AHRR: variants seen among roughly 807,000 people sequenced by gnomAD.
The protein encoded by AHRR is aryl hydrocarbon receptor repressor.
A neutral mutation model predicts 44.0 loss-of-function variants in AHRR; 28 were observed. The ratio of observed to expected loss-of-function variants is 0.64; its 90% CI spans 0.47 to 0.87. The LOEUF is 0.87. Ranked by LOEUF, AHRR falls within the 40% of genes least tolerant of loss-of-function variation. The probability of loss-of-function intolerance (pLI) is 0.00; values close to 1 mark genes in which losing one functional copy is unlikely to be tolerated. For synonymous variants in AHRR, 434 were observed against 407.0 expected, an observed-to-expected ratio of 1.07 and a Z score of -0.80; for missense variants, 990 against 953.9, an observed-to-expected ratio of 1.04 and a Z score of -0.50.
chr5:397,903 A>G (rs1176826201), intron 4 of AHRR, among the ~76,000 whole-genome samples: 7 of 77,574 alleles, frequency 9.0e-5, no homozygotes, highest in South Asian at 5.1e-4. Context: ...GCTCCTGACC[A>G]TCCATGTTAG....
chr5:420,824 GCCACCCACCCA>G (rs1416563621), intron 5 of AHRR: 1 of 247,064 alleles, frequency 4.0e-6, no homozygotes, highest in African/African-American at 2.4e-5. Context: ...CACCCACGCA[GCCACCCACCCA>G]CGCAGCACGC....
intron 2 of AHRR, among the ~76,000 whole-genome samples, chr5:347,096 A>G (rs773630091): frequency 6.6e-6 from 1 of 152,142 alleles, no homozygotes; most frequent in Non-Finnish European, 1.5e-5. Flanking sequence ...CCCACGCCCC[A>G]GCACATAGTG....
intron 7 of AHRR, among the ~76,000 whole-genome samples, chr5:425,509 A>G (rs6890624): frequency 0.029 from 4,433 of 152,212 alleles, 127 homozygotes; most frequent in Middle Eastern, 0.082. Flanking sequence ...TAGTAGAGAC[A>G]GTGTTTCACT....
chr5:424,333 G>T (rs1736284260), intron 7 of AHRR, among the ~76,000 whole-genome samples: 1 of 147,034 alleles, frequency 6.8e-6, no homozygotes, highest in African/African-American at 2.5e-5. Flanking sequence ...AGAGGGCTGG[G>T]CACTGAGCTC....
chr5:377,210 G>A (rs1182962774), intron 4 of AHRR, among the ~76,000 whole-genome samples: 9 of 152,138 alleles, frequency 5.9e-5, no homozygotes, highest in African/African-American at 1.9e-4. Flanking sequence ...CCATCCCTGC[G>A]ACTCTGAAGT....
intron 8 of AHRR, among the ~76,000 whole-genome samples, chr5:431,656 C>T (rs191084509): frequency 6.6e-6 from 1 of 152,204 alleles, no homozygotes; most frequent in African/African-American, 2.4e-5. Flanking sequence ...AACAGCCCCC[C>T]AGTCTTCCAC....
intron 3 of AHRR, among the ~76,000 whole-genome samples, chr5:360,837 G>T (rs1419436287): frequency 6.6e-6 from 1 of 152,142 alleles, no homozygotes; most frequent in African/African-American, 2.4e-5. Flanking sequence ...TGAAACCCTT[G>T]CTTCTCCTTA....
chr5:330,476 C>T (rs6882831), intron 1 of AHRR, among the ~76,000 whole-genome samples: 14,839 of 151,966 alleles, frequency 0.098, 2,322 homozygotes, highest in African/African-American at 0.33. Context: ...TAAGTTCAAG[C>T]AATTCTCATG....
chr5:354,397 G>A (rs908431178), intron 3 of AHRR, among the ~76,000 whole-genome samples: 8 of 152,284 alleles, frequency 5.3e-5, no homozygotes, highest in Admixed American at 3.3e-4. Flanking sequence ...GGTGCCGGGC[G>A]CCTCCCCCTG....
chr5:409,657 T>G (rs1397111302), intron 4 of AHRR, among the ~76,000 whole-genome samples: 1 of 61,996 alleles, frequency 1.6e-5, no homozygotes, highest in Admixed American at 1.3e-4. Context: ...TTTAAAATTG[T>G]TTTTTTTTTT....
intron 2 of AHRR, among the ~76,000 whole-genome samples, chr5:350,355 G>T (rs138488009): frequency 2.0e-5 from 3 of 152,172 alleles, no homozygotes; most frequent in Non-Finnish European, 4.4e-5. Flanking sequence ...GTCTCTTTCC[G>T]CCTGAGCTGG....
At chr5:372,729 T>C (rs1176543631) in intron 3 of AHRR, among the ~76,000 whole-genome samples, 3 of 152,162 alleles carry the variant, frequency 2.0e-5, no homozygotes, top group East Asian at 1.9e-4. Context: ...CTGGGAGCAA[T>C]GTGGCTTCGT....
At position 433,997 on chromosome 5, in the gene AHRR, C is replaced by T. The variant is rs771270335; in HGVS notation, c.1257C>T (p.Ser419=). 2 of 1,575,836 alleles carry T rather than the reference C, an allele frequency of 1.3e-6. No individual in the cohort carries two copies. The highest frequency in any genetic ancestry group is 2.7e-5 in the African/African-American group (2 of 74,000). ...EDGARPRLQP[S]KNDPPSLRPM... is the part of the protein sequence containing the mutation. ...GTGCCAGGCCGAGGCTGCAGCCCAG[C>T]AAGAATGACCCGCCCTCCCTGCGCC... is the stretch of plus-strand genomic sequence containing the variant. The change falls in exon 11 of 11, where the codon AGC becomes AGT. Residue 419 remains serine, a synonymous_variant. Coordinates refer to ENST00000684583, the MANE Select transcript of AHRR (RefSeq NM_001377236.1).
rs2126509162 is a variant in AHRR at position 411,309 on chromosome 5, G to T, written c.352-2035G>T. On this transcript the variant is annotated intron_variant, in intron 4 of 10. Coordinates refer to ENST00000684583, the MANE Select transcript of AHRR (RefSeq NM_001377236.1). This position sits in a 1 kb window ranked among gnomAD's most constrained non-coding sequence, Gnocchi z 4.2. ...CCCTTCTGCTTGTGTGTAATTGGAG[G>T]TTTATTACACTTCCTGTGTCCTCAT... Among the ~76,000 whole-genome samples, 1 of 151,820 alleles carries T rather than the reference G, an allele frequency of 6.6e-6. No individual in the cohort carries two copies.
intron 5 of AHRR, chr5:420,895 G>GCACGCAGCCACCCACC (rs1560919406): frequency 4.1e-5 from 13 of 315,424 alleles, no homozygotes; most frequent in African/African-American, 1.7e-4. Context: ...ACAGACCCAC[G>GCACGCAGCCACCCACC]CACGCAGCAC....
At chr5:381,618 C>A (rs1231529127) in intron 4 of AHRR, among the ~76,000 whole-genome samples, 4 of 134,390 alleles carry the variant, frequency 3.0e-5, no homozygotes, top group Non-Finnish European at 6.2e-5. Context: ...CGGGATCAAG[C>A]AATTCTCTGC....
At chr5:324,868 C>T (rs1741649591) in intron 1 of AHRR, among the ~76,000 whole-genome samples, 1 of 152,304 alleles carries the variant, frequency 6.6e-6, no homozygotes, top group East Asian at 1.9e-4. Flanking sequence ...GGTAGGCAGG[C>T]CAGCTCCTTG....
At chr5:392,432 C>G (rs1371800901) in intron 4 of AHRR, among the ~76,000 whole-genome samples, 1 of 147,614 alleles carries the variant, frequency 6.8e-6, no homozygotes, top group Non-Finnish European at 1.5e-5. Flanking sequence ...CACACGGGTG[C>G]AGGGCGAGGC....
chr5:331,059 T>G (rs1741893848), intron 1 of AHRR, among the ~76,000 whole-genome samples: 1 of 151,854 alleles, frequency 6.6e-6, no homozygotes, highest in African/African-American at 2.4e-5. Flanking sequence ...GTATTTTTAG[T>G]AGAGACGGGC....
Sources: gnomAD v4.1 joint callset for allele counts (sites outside exome capture counted in the v4.1 genomes callset) on GRCh38, gnomAD v4.1.1 for gene constraint, Gnocchi (gnomAD v3.1) non-coding constraint, MANE v1.5 for transcripts, NCBI Gene and HGNC (gene_info 2026-07-23, HGNC 2026-07-21) for gene names.